The following RPE variants were observed in gnomAD, a reference collection of about 807,000 sequenced individuals.
RPE encodes the protein ribulose-phosphate 3-epimerase.
A neutral mutation model predicts 24.6 loss-of-function variants in RPE; 16 were observed. The observed-to-expected ratio is 0.65, with a 90% confidence interval of 0.44 to 0.99. The LOEUF is 0.99. Among genes scored for constraint, RPE ranks in the 50% least tolerant of loss-of-function variants. RPE has a pLI of 0.00. For synonymous variants in RPE, 93 were observed against 98.4 expected, an observed-to-expected ratio of 0.94 and a Z score of 0.33; for missense variants, 240 against 294.5, an observed-to-expected ratio of 0.81 and a Z score of 1.35.
At position 210,019,870 on chromosome 2, in the gene RPE, A is replaced by G; in HGVS notation, c.*79A>G. The G allele has an allele frequency of 2.7e-6, 4 of 1,507,116 alleles. No homozygotes were observed. Among genetic ancestry groups the G allele is most frequent in the Non-Finnish European group, 3.6e-6 (4 of 1,119,266 alleles). 93.4% of individuals were successfully genotyped at this position (1,507,116 alleles called of 1,614,324 possible). A position where few individuals can be genotyped will look rare whatever the true frequency, so the allele number is the denominator to read the frequency against. On this transcript the variant is annotated 3_prime_UTR_variant, in exon 6 of 6. Transcript: ENST00000359429. ...CAGGAATATTGACTACCAAATCACA[A>G]TGCAATTGAAGCCGTACTGCTTTTT...
chr2:210,019,087 T>A (rs1190813585), intron 5 of RPE, among the ~76,000 whole-genome samples: 1 of 152,208 alleles, frequency 6.6e-6, no homozygotes, highest in Non-Finnish European at 1.5e-5. Flanking sequence ...CTTTTTCAAT[T>A]TCTTTGCTTC....
At chr2:210,014,495 A>T (rs936439266) in intron 2 of RPE, among the ~76,000 whole-genome samples, 1 of 152,140 alleles carries the variant, frequency 6.6e-6, no homozygotes, top group African/African-American at 2.4e-5. Flanking sequence ...TACCTATTAA[A>T]ATATGTTCTA....
At chr2:210,014,233 C>T (rs576166425) in intron 2 of RPE, among the ~76,000 whole-genome samples, 146 of 152,074 alleles carry the variant, frequency 9.6e-4, no homozygotes, top group Non-Finnish European at 1.8e-3. Flanking sequence ...GGATTACAGG[C>T]GCCCGCCACC....
chr2:210,012,147 A>G (rs951182471), intron 2 of RPE, among the ~76,000 whole-genome samples: 3 of 152,228 alleles, frequency 2.0e-5, no homozygotes, highest in African/African-American at 4.8e-5. Flanking sequence ...ATAAATGTCT[A>G]AGAAATACAG....
intron 2 of RPE, 107 bp downstream of exon 2, chr2:210,009,843 T>C (rs2125065604): frequency 1.4e-6 from 2 of 1,473,856 alleles, no homozygotes; most frequent in South Asian, 1.1e-5. Context: ...TCCCCAACTT[T>C]CCTATCCTGG....
intron 1 of RPE, among the ~76,000 whole-genome samples, chr2:210,004,129 A>T (rs758492050): frequency 1.3e-5 from 2 of 152,252 alleles, no homozygotes; most frequent in African/African-American, 4.8e-5. Context: ...GTAAGTAGCT[A>T]CATTTTTGTG....
At chr2:210,007,408 T>A (rs1465052938) in intron 1 of RPE, among the ~76,000 whole-genome samples, 1 of 152,226 alleles carries the variant, frequency 6.6e-6, no homozygotes, top group Non-Finnish European at 1.5e-5. Flanking sequence ...TCACCTACCC[T>A]CTTGTAATTT....
rs2093854314 is a variant in RPE, at chr2:210,021,464, A to G, written c.*1673A>G. ...AATTAAAAAACTTACATAGAAGATTATAATATCAGACGTGACAAAGATTTG... is the reference window on the plus strand; with the variant it reads ...AATTAAAAAACTTACATAGAAGATTGTAATATCAGACGTGACAAAGATTTG... On this transcript the variant is annotated 3_prime_UTR_variant, in exon 6 of 6. Transcript: ENST00000359429. 1 of 152,596 alleles carries G rather than the reference A, an allele frequency of 6.6e-6. No individual in the cohort carries two copies. The highest frequency in any genetic ancestry group is 6.5e-5 in the Admixed American group (1 of 15,274). 9.5% of individuals were successfully genotyped at this position (152,596 alleles called of 1,614,324 possible). A position where few individuals can be genotyped will look rare whatever the true frequency, so the allele number is the denominator to read the frequency against.
intron 5 of RPE, 175 bp downstream of exon 5, chr2:210,017,734 T>TA (rs2093795500): frequency 2.4e-4 from 36 of 149,122 alleles, no homozygotes; most frequent in East Asian, 3.9e-4. Context: ...GTGGATATGC[T>TA]TTTTTTTTTT....
rs199555057 is a variant in RPE, at chr2:210,002,644, C to G, written c.-18C>G. Reference sequence around the variant, plus strand: ...TTGCCGGGGACTCGTGGGTAACTTGCTTTTGGGAGCCAGCGGTATGGCGTC... The same window carrying G: ...TTGCCGGGGACTCGTGGGTAACTTGGTTTTGGGAGCCAGCGGTATGGCGTC... On this transcript the variant is annotated 5_prime_UTR_variant, in exon 1 of 6. Transcript: ENST00000359429. The G allele has an allele frequency of 1.9e-6, 3 of 1,610,616 alleles. No homozygotes were observed. Among genetic ancestry groups the G allele is most frequent in the African/African-American group, 1.3e-5 (1 of 74,958 alleles).
At position 210,019,702 on chromosome 2, in the gene RPE, A is replaced by C; in HGVS notation, c.598A>C (p.Ile200Leu). ...TAACATGATTGTGTCTGGCAGTGCT[A>C]TTATGAGGAGTGAAGACCCCAGATC... ...GANMIVSGSA[I>L]MRSEDPRSVI... is the part of the protein sequence containing the mutation. Residue 200 changes from isoleucine to leucine, a missense_variant, in exon 6 of 6, where the codon ATT (isoleucine) becomes CTT (leucine). Transcript: ENST00000359429. The C allele has an allele frequency of 6.2e-7, 1 of 1,613,438 alleles. No individual in the cohort carries two copies. Among genetic ancestry groups the C allele is most frequent in the East Asian group, 2.2e-5 (1 of 44,858 alleles).
chr2:210,018,119 GTTC>G lies in RPE; in HGVS notation c.564+563_564+565del, dbSNP rs1228546211. On this transcript the variant is annotated intron_variant, in intron 5 of 5. Transcript: ENST00000359429. ...GGTTTTCTCAGGAAGGCTGAAGAAAGTTCTTTTTTATAAAAGAATATGTTGAAT... is the reference window on the plus strand; with the variant it reads ...GGTTTTCTCAGGAAGGCTGAAGAAAGTTTTTTATAAAAGAATATGTTGAAT... 2.0e-6 allele frequency: 3 copies of G among 1,508,952 alleles called. No individual in the cohort carries two copies. In the African/African-American group the frequency reaches 4.2e-5, roughly 21 times the overall value. 93.5% of individuals were successfully genotyped at this position (1,508,952 alleles called of 1,614,324 possible). A position where few individuals can be genotyped will look rare whatever the true frequency, so the allele number is the denominator to read the frequency against.
At chr2:210,009,592 A>G in intron 1 of RPE, 65 bp from the exon 2 acceptor site, 1 of 1,595,602 alleles carries the variant, frequency 6.3e-7, no homozygotes, top group Non-Finnish European at 8.6e-7. Context: ...GTCAGAATTC[A>G]TATTGAGAGA....
intron 2 of RPE, among the ~76,000 whole-genome samples, chr2:210,011,831 A>ATTTTTTTTTTTTTTTTTTTT: frequency 9.4e-6 from 1 of 106,724 alleles, no homozygotes. Context: ...ACAACCGGCT[A>ATTTTTTTTTTTTTTTTTTTT]TTTTTTTTTT....
Position 210,005,572 on chromosome 2 carries a change from G to A in RPE, c.122+2789G>A, listed in dbSNP as rs1453634136. Among the ~76,000 whole-genome samples, 4 of 151,954 alleles carry A rather than the reference G, an allele frequency of 2.6e-5. No homozygotes were observed. The South Asian group carries it at 6.2e-4, about 24-fold the overall frequency. On this transcript the variant is annotated intron_variant, in intron 1 of 5. Coordinates refer to ENST00000359429, the MANE Select transcript of RPE (RefSeq NM_199229.3). ...GAGCAAAGAATTAATTTCTAAATTC[G>A]CTACCAGGATTTAAAACTGGGACGA...
chr2:210,016,731 C>A (rs1342469217), intron 4 of RPE, 90 bp downstream of exon 4: 2 of 1,572,266 alleles, frequency 1.3e-6, no homozygotes, highest in Non-Finnish European at 1.7e-6. Context: ...TTAGGCATAA[C>A]CTGTTCTGAA....
intron 2 of RPE, among the ~76,000 whole-genome samples, chr2:210,015,570 G>A (rs2093760041): frequency 6.6e-6 from 1 of 152,174 alleles, no homozygotes; most frequent in South Asian, 2.1e-4. Context: ...AATTAATGAT[G>A]CAGCAATAGC....
At chr2:210,018,396 C>G in intron 5 of RPE, 2 of 870,584 alleles carry the variant, frequency 2.3e-6, no homozygotes, top group Non-Finnish European at 2.7e-6. Flanking sequence ...CTTTTTTTTA[C>G]TTTTTTTTTT....
chr2:210,003,659 C>T (rs370954714), intron 1 of RPE, among the ~76,000 whole-genome samples: 59 of 152,088 alleles, frequency 3.9e-4, no homozygotes, highest in Admixed American at 1.1e-3. Flanking sequence ...TCTCTGAGCC[C>T]CACTGTTAAC....
Sources: gnomAD v4.1 joint callset for allele counts (sites outside exome capture counted in the v4.1 genomes callset) on GRCh38, gnomAD v4.1.1 for gene constraint, MANE v1.5 for transcripts, NCBI Gene and HGNC (gene_info 2026-07-23, HGNC 2026-07-21) for gene names.